The following IFT122 variants were observed in gnomAD, a reference collection of about 807,000 sequenced individuals.
The protein encoded by IFT122 is intraflagellar transport 122.
A neutral mutation model predicts 161.6 loss-of-function variants in IFT122; 118 were observed. The observed-to-expected ratio is 0.73, with a 90% CI of 0.63 to 0.85. IFT122 has a LOEUF of 0.85. Among genes scored for constraint, IFT122 ranks in the 40% least tolerant of loss-of-function variants. IFT122 has a pLI of 0.00. For synonymous variants in IFT122, 550 were observed against 602.4 expected (o/e 0.91, Z 1.27); for missense variants, 1,381 against 1,579.6 (o/e 0.87, Z 2.13).
chr3:129,482,239 G>T (rs2078746471), intron 14 of IFT122, among the ~76,000 whole-genome samples: 3 of 152,248 alleles, frequency 2.0e-5, no homozygotes, highest in African/African-American at 4.8e-5. Flanking sequence ...CTTTGGGGTT[G>T]TAGGCGTTGT....
At chr3:129,490,283 C>T (rs867832696) in intron 16 of IFT122, among the ~76,000 whole-genome samples, 9 of 152,252 alleles carry the variant, frequency 5.9e-5, no homozygotes, top group African/African-American at 1.7e-4. Context: ...ATCTAAATCC[C>T]GAGTACCCCA....
At chr3:129,505,070 C>G (rs1439405985) in intron 21 of IFT122, among the ~76,000 whole-genome samples, 1 of 152,210 alleles carries the variant, frequency 6.6e-6, no homozygotes, top group Non-Finnish European at 1.5e-5. Flanking sequence ...TGTTATTAAT[C>G]ATATTTTTTA....
Position 129,449,891 on chromosome 3 carries a change from A to T in IFT122, c.62A>T (p.Lys21Met). ...TTCAGTATAAATGACATCGCATTTA[A>T]GCCTGATGGAACTCAACTGATTTTG... ...AEHCINDIAFKPDGTQLILAA... is the reference protein window; with the variant it reads ...AEHCINDIAFMPDGTQLILAA... The change falls in exon 2 of 30, where the codon AAG becomes ATG. Residue 21 changes from lysine to methionine, a missense_variant. By Grantham distance (95) the Lys-to-Met change is moderately conservative. This residue lies in a region of IFT122 where 134 missense variants were observed against 137.4 expected (regional missense o/e 0.98). Transcript: ENST00000348417. The T allele has an allele frequency of 6.2e-7, 1 of 1,613,362 alleles. No individual in the cohort carries two copies. The highest frequency in any genetic ancestry group is 1.1e-5 in the South Asian group (1 of 91,064).
intron 12 of IFT122, 29 bp downstream of exon 12, chr3:129,478,247 G>A (rs377588530): frequency 6.2e-7 from 1 of 1,602,098 alleles, no homozygotes; most frequent in Non-Finnish European, 8.5e-7. Flanking sequence ...AAGGAGTTGG[G>A]CTGAATTCCA....
At chr3:129,477,461 G>A (rs2078093523) in intron 11 of IFT122, among the ~76,000 whole-genome samples, 1 of 152,242 alleles carries the variant, frequency 6.6e-6, no homozygotes, top group Non-Finnish European at 1.5e-5. Flanking sequence ...GGGTTGTCTT[G>A]TAGATTCAGA....
intron 7 of IFT122, 65 bp from the exon 8 acceptor site, chr3:129,466,825 T>C (rs2076850878): frequency 9.8e-6 from 15 of 1,530,922 alleles, no homozygotes; most frequent in Non-Finnish European, 1.4e-5. Flanking sequence ...TTGCCAGGAT[T>C]TTAAATTATA....
chr3:129,447,485 A>G (rs1246478274), intron 1 of IFT122, among the ~76,000 whole-genome samples: 2 of 152,180 alleles, frequency 1.3e-5, no homozygotes, highest in Non-Finnish European at 2.9e-5. Flanking sequence ...GCCTTCGGGT[A>G]CTAGGCTTCA....
At chr3:129,463,446 C>G (rs1042603535) in intron 5 of IFT122, 114 bp from the exon 6 acceptor site, 1 of 815,940 alleles carries the variant, frequency 1.2e-6, no homozygotes, top group African/African-American at 1.7e-5. Flanking sequence ...TTTCATTCAG[C>G]ATAAAATCCT....
chr3:129,487,259 A>G (rs1436811371), intron 15 of IFT122, among the ~76,000 whole-genome samples: 1 of 152,224 alleles, frequency 6.6e-6, no homozygotes, highest in East Asian at 1.9e-4. Flanking sequence ...GGCCCAACTC[A>G]AGACTCATTC....
chr3:129,505,658 T>C (rs1306975168), intron 21 of IFT122, among the ~76,000 whole-genome samples: 2 of 152,224 alleles, frequency 1.3e-5, no homozygotes, highest in Non-Finnish European at 2.9e-5. Flanking sequence ...ATGGCAAGTG[T>C]CATGGCTACA....
chr3:129,484,087 A>G (rs2078993106), intron 15 of IFT122, among the ~76,000 whole-genome samples: 6 of 150,256 alleles, frequency 4.0e-5, no homozygotes, highest in Admixed American at 3.3e-4. Flanking sequence ...GGAGAGAGAG[A>G]ATGAGTGGGT....
intron 4 of IFT122, chr3:129,460,935 T>C: frequency 1.2e-6 from 2 of 1,613,590 alleles, no homozygotes; most frequent in South Asian, 2.2e-5. Context: ...CAGCCACAGA[T>C]AAAGCACCTA....
chr3:129,481,719 G>A, intron 14 of IFT122, 25 bp downstream of exon 14: 1 of 1,612,430 alleles, frequency 6.2e-7, no homozygotes, highest in Non-Finnish European at 8.5e-7. Context: ...GGGGCCCAGG[G>A]ACATCATCCT....
chr3:129,504,449 G>C, intron 21 of IFT122, 28 bp downstream of exon 21: 1 of 1,568,830 alleles, frequency 6.4e-7, no homozygotes, highest in Non-Finnish European at 8.8e-7. Context: ...TCACCTTCTA[G>C]AAGGAGCAGG....
intron 21 of IFT122, 88 bp from the exon 22 acceptor site, chr3:129,506,321 C>G: frequency 6.6e-7 from 1 of 1,509,276 alleles, no homozygotes; most frequent in Non-Finnish European, 9.1e-7. Flanking sequence ...CAAAGCAGCC[C>G]TGTGCAAGCC....
chr3:129,447,585 TCAC>T (rs1559831474), intron 1 of IFT122, among the ~76,000 whole-genome samples: 3 of 152,216 alleles, frequency 2.0e-5, no homozygotes, highest in Non-Finnish European at 4.4e-5. Context: ...CAATCTCGGC[TCAC>T]TGCAACCTCT....
chr3:129,493,514 T>A (rs1158097857), intron 17 of IFT122, among the ~76,000 whole-genome samples: 1 of 152,216 alleles, frequency 6.6e-6, no homozygotes, highest in African/African-American at 2.4e-5. Context: ...CAGGAGGAAA[T>A]TAAGGCTCAG....
At chr3:129,481,373 C>G (rs983406729) in intron 13 of IFT122, 157 bp from the exon 14 acceptor site, 46 of 720,106 alleles carry the variant, frequency 6.4e-5, no homozygotes, top group Non-Finnish European at 1.1e-4. Context: ...CCCCCCACCC[C>G]CCTCTTTCTT....
chr3:129,512,418 C>A lies in IFT122; in HGVS notation c.2987+6C>A. On this transcript the variant is annotated splice_donor_region_variant and intron_variant, in intron 24 of 29. Transcript: ENST00000348417. ...CCCTCGGGCATCTCTAAAGTGTATC[C>A]TTTCTCTTATCCCTCCTCCGTCCCA... The A allele has an allele frequency of 1.3e-6, 2 of 1,581,940 alleles. No individual in the cohort carries two copies. The highest frequency in any genetic ancestry group is 1.7e-6 in the Non-Finnish European group (2 of 1,150,570).
Sources: gnomAD v4.1 joint callset for allele counts (sites outside exome capture counted in the v4.1 genomes callset) on GRCh38, gnomAD v4.1.1 for gene constraint, gnomAD v4.1.1 regional missense constraint, MANE v1.5 for transcripts, NCBI Gene and HGNC (gene_info 2026-07-23, HGNC 2026-07-21) for gene names.